The following ASCL5 variants were observed in gnomAD, a reference collection of about 807,000 sequenced individuals.
The protein encoded by ASCL5 is achaete-scute homolog 5.
For synonymous variants in ASCL5, 124 were observed against 131.5 expected (o/e 0.94, Z 0.39); for missense variants, 262 against 268.9 (o/e 0.97, Z 0.18).
chr1:201,114,888 G>T lies in ASCL5; in HGVS notation c.485C>A (p.Ala162Glu). ...GTCGGGACGGGGGGTGGCGGGCGGCGCGGGGCAGGGCCCGGTGCCCGGGAG... is the reference window on the plus strand; with the variant it reads ...GTCGGGACGGGGGGTGGCGGGCGGCTCGGGGCAGGGCCCGGTGCCCGGGAG... The part of the protein sequence containing the change: ...RGLPGTGPCP[A>E]PPATPRPDRP... The change falls in exon 2 of 2, where the codon GCG becomes GAG. Residue 162 changes from alanine to glutamate, a missense_variant. By Grantham distance (107) the Ala-to-Glu change is moderately radical. Coordinates refer to ENST00000449188, the MANE Select transcript of ASCL5 (RefSeq NM_001270601.2). 8.1e-7 allele frequency: 1 copy of T among 1,228,912 alleles called. No homozygotes were observed. The highest frequency in any genetic ancestry group is 1.0e-6 in the Non-Finnish European group (1 of 986,146). 76.1% of individuals were successfully genotyped at this position (1,228,912 alleles called of 1,614,324 possible). A position where few individuals can be genotyped will look rare whatever the true frequency, so the allele number is the denominator to read the frequency against.
At chr1:201,116,630 G>A (rs996313789) in intron 1 of ASCL5, among the ~76,000 whole-genome samples, 7 of 152,202 alleles carry the variant, frequency 4.6e-5, no homozygotes, top group Non-Finnish European at 7.3e-5. Context: ...CTGATTACAC[G>A]TAGCCTTTCA....
At chr1:201,126,861 G>A (rs888431075) in intron 1 of ASCL5, among the ~76,000 whole-genome samples, 1 of 152,234 alleles carries the variant, frequency 6.6e-6, no homozygotes, top group African/African-American at 2.4e-5. Flanking sequence ...GTCCTTGGCA[G>A]CACAGCTGAT....
Sources: gnomAD v4.1 joint callset for allele counts (sites outside exome capture counted in the v4.1 genomes callset) on GRCh38, gnomAD v4.1.1 for gene constraint, MANE v1.5 for transcripts, NCBI Gene and HGNC (gene_info 2026-07-23, HGNC 2026-07-21) for gene names.